Variants in HCN1 observed in about 807,000 individuals in gnomAD.
HCN1 encodes potassium/sodium hyperpolarization-activated cyclic nucleotide-gated channel 1.
In HCN1, 13 loss-of-function variants were observed where a neutral mutation model predicts 78.9. The ratio of observed to expected loss-of-function variants is 0.16; its 90% CI spans 0.11 to 0.26. HCN1 has a LOEUF of 0.26. Ranked by LOEUF, HCN1 falls within the 10% of genes least tolerant of loss-of-function variation. The probability of loss-of-function intolerance (pLI) is 1.00; values close to 1 mark genes in which losing one functional copy is unlikely to be tolerated. For missense variants in HCN1, 810 were observed against 1,154.3 expected, an observed-to-expected ratio of 0.70 and a Z score of 4.32; for synonymous variants, 552 against 455.5, an observed-to-expected ratio of 1.21 and a Z score of -2.70.
At chr5:45,394,010 CT>C (rs1238822672) in intron 4 of HCN1, among the ~76,000 whole-genome samples, 1 of 152,234 alleles carries the variant, frequency 6.6e-6, no homozygotes, top group East Asian at 1.9e-4. Flanking sequence ...AGAAGTTCCT[CT>C]GCTGTGAGTC....
chr5:45,545,267 T>A (rs1302668095), intron 2 of HCN1, among the ~76,000 whole-genome samples: 2 of 152,208 alleles, frequency 1.3e-5, no homozygotes, highest in African/African-American at 4.8e-5. Context: ...TCTGTTCATA[T>A]CCTTTGCCCA....
At chr5:45,398,501 TTTA>T (rs1318310552) in intron 3 of HCN1, among the ~76,000 whole-genome samples, 1 of 152,174 alleles carries the variant, frequency 6.6e-6, no homozygotes, top group Non-Finnish European at 1.5e-5. Flanking sequence ...GGTTCATGTA[TTTA>T]TTACCACAGT....
At chr5:45,565,032 T>C (rs1346649631) in intron 2 of HCN1, among the ~76,000 whole-genome samples, 2 of 152,230 alleles carry the variant, frequency 1.3e-5, no homozygotes, top group African/African-American at 4.8e-5. Flanking sequence ...TAAACTGAAA[T>C]TCATCATGGG....
At position 45,696,028 on chromosome 5, in the gene HCN1, G is replaced by A; in HGVS notation, c.66C>T (p.Pro22=). Residue 22 remains proline (P), a synonymous_variant, in exon 1 of 8, where the codon CCC becomes CCT. Transcript: ENST00000303230. ...CCGCGCCCGTCGCGGACGCCTTGGC[G>A]GGGAAGACGCTGTTGCCATCGTCCC... ...NSRDDGNSVF[P]AKASATGAGP... 1 of 1,328,886 alleles carries A rather than the reference G, an allele frequency of 7.5e-7. No individual in the cohort carries two copies. The highest frequency in any genetic ancestry group is 9.7e-7 in the Non-Finnish European group (1 of 1,030,326). 82.3% of individuals were successfully genotyped at this position (1,328,886 alleles called of 1,614,324 possible).
intron 5 of HCN1, among the ~76,000 whole-genome samples, chr5:45,327,677 G>A (rs1435842996): frequency 2.0e-5 from 3 of 151,582 alleles, no homozygotes; most frequent in African/African-American, 4.8e-5. Flanking sequence ...TAGATAGAGG[G>A]TATTTGAAGA....
intron 6 of HCN1, among the ~76,000 whole-genome samples, chr5:45,281,579 CTT>C (rs751307473): frequency 1.7e-4 from 14 of 81,668 alleles, no homozygotes; most frequent in African/African-American, 6.8e-4. Context: ...CTCTTCTCTT[CTT>C]TTTTTTTTTT....
At chr5:45,508,311 T>C (rs1228948478) in intron 2 of HCN1, among the ~76,000 whole-genome samples, 2 of 152,080 alleles carry the variant, frequency 1.3e-5, no homozygotes, top group Non-Finnish European at 2.9e-5. Context: ...TTACACCACC[T>C]GTTTTACAAT....
At chr5:45,663,643 T>C (rs1254656581) in intron 1 of HCN1, among the ~76,000 whole-genome samples, 1 of 150,602 alleles carries the variant, frequency 6.6e-6, no homozygotes, top group African/African-American at 2.5e-5. Flanking sequence ...AAAAAGTGGG[T>C]GAAGGACATG....
At position 45,653,999 on chromosome 5, in the gene HCN1, C is replaced by G. The variant is rs938256410; in HGVS notation, c.426-8391G>C. ...ATTAATCAGGTATAAGCCTTTATTTCTCCTCAAATGGTAGAATTATGATGC... is the reference window on the plus strand; with the variant it reads ...ATTAATCAGGTATAAGCCTTTATTTGTCCTCAAATGGTAGAATTATGATGC... On this transcript the variant is annotated intron_variant, in intron 1 of 7. Transcript: ENST00000303230. 2.0e-5 allele frequency among the ~76,000 whole-genome samples: 3 copies of G among 151,988 alleles called. No homozygotes were observed. The East Asian group carries it at 5.8e-4, about 29-fold the overall frequency.
chr5:45,317,576 A>C (rs544396949), intron 5 of HCN1, among the ~76,000 whole-genome samples: 61 of 152,262 alleles, frequency 4.0e-4, no homozygotes, highest in African/African-American at 1.4e-3. Context: ...GATCTAATTA[A>C]ACTAAAGAGC....
intron 6 of HCN1, among the ~76,000 whole-genome samples, chr5:45,279,504 T>C (rs746756262): frequency 6.6e-6 from 1 of 152,186 alleles, no homozygotes; most frequent in Non-Finnish European, 1.5e-5. Flanking sequence ...ATTTTTCCTA[T>C]ATTTTGTTAA....
At chr5:45,472,571 AGAAGGAAGGAAG>A (rs547555800) in intron 2 of HCN1, among the ~76,000 whole-genome samples, 3 of 129,464 alleles carry the variant, frequency 2.3e-5, no homozygotes, top group African/African-American at 6.0e-5. Context: ...AGGAAAGGAA[AGAAGGAAGGAAG>A]GAAGGAAGGA....
rs964771085 is a variant in HCN1 at position 45,425,465 on chromosome 5, C to T, written c.1012-28755G>A. Reference sequence around the variant, plus strand: ...ACATCAAGATGTCAAATAATACTTTCAAGTAGAACTGGGTAAGTTAGTGAT... The same window carrying T: ...ACATCAAGATGTCAAATAATACTTTTAAGTAGAACTGGGTAAGTTAGTGAT... On this transcript the variant is annotated intron_variant, in intron 3 of 7. Transcript: ENST00000303230. Among the ~76,000 whole-genome samples, 54 of 152,170 alleles carry T rather than the reference C, an allele frequency of 3.5e-4. 2 individuals are homozygous for T. Among genetic ancestry groups the T allele is most frequent in the African/African-American group, 7.2e-5 (3 of 41,500 alleles).
chr5:45,289,476 C>T (rs1392664989), intron 6 of HCN1, among the ~76,000 whole-genome samples: 1 of 151,950 alleles, frequency 6.6e-6, no homozygotes, highest in Non-Finnish European at 1.5e-5. Context: ...ATAATAATCC[C>T]TAAAGAAAGT....
chr5:45,515,951 C>T (rs762490237), intron 2 of HCN1, among the ~76,000 whole-genome samples: 1 of 151,924 alleles, frequency 6.6e-6, no homozygotes, highest in East Asian at 1.9e-4. Flanking sequence ...AAACTGTGAT[C>T]CACAGAGAAT....
At chr5:45,611,347 T>C (rs1302270146) in intron 2 of HCN1, among the ~76,000 whole-genome samples, 1 of 146,118 alleles carries the variant, frequency 6.8e-6, no homozygotes, top group Non-Finnish European at 1.5e-5. Flanking sequence ...TCTTGGCTCA[T>C]TGCAATCTCC....
At chr5:45,666,012 C>A (rs142288283) in intron 1 of HCN1, among the ~76,000 whole-genome samples, 4 of 152,102 alleles carry the variant, frequency 2.6e-5, no homozygotes, top group East Asian at 1.9e-4. Context: ...TACTCTCCCC[C>A]CAAGTTCTCT....
rs1458765756 is a variant in HCN1, at chr5:45,373,310, T to C, written c.1231-20064A>G. Among the ~76,000 whole-genome samples the C allele has an allele frequency of 7.1e-4, 84 of 118,046 alleles. 1 individual carries two copies. In the East Asian group the frequency reaches 0.012, roughly 16 times the overall value. 77.4% of individuals were successfully genotyped at this position (118,046 alleles called of 152,430 possible). On this transcript the variant is annotated intron_variant, in intron 4 of 7. Transcript: ENST00000303230. Reference sequence around the variant, plus strand: ...TATATTATATATATTTTATATACTATATATAAAATATATATTTCATATATT... The same window carrying C: ...TATATTATATATATTTTATATACTACATATAAAATATATATTTCATATATT...
At chr5:45,267,654 G>T (rs182409785) in intron 6 of HCN1, among the ~76,000 whole-genome samples, 1,686 of 152,158 alleles carry the variant, frequency 0.011, 12 homozygotes, top group Middle Eastern at 0.061. Flanking sequence ...TGTAGTCCCA[G>T]CTACTCGGGA....
Sources: gnomAD v4.1 joint callset for allele counts (sites outside exome capture counted in the v4.1 genomes callset) on GRCh38, gnomAD v4.1.1 for gene constraint, MANE v1.5 for transcripts, NCBI Gene and HGNC (gene_info 2026-07-23, HGNC 2026-07-21) for gene names.